Variants in HOMER2 observed in about 807,000 individuals in gnomAD.
HOMER2 encodes the protein homer protein homolog 2.
Under a neutral mutation model 47.0 loss-of-function variants are expected in HOMER2, and 27 were observed. The ratio of observed to expected loss-of-function variants is 0.57; its 90% CI spans 0.42 to 0.79. The LOEUF (loss-of-function observed/expected upper bound fraction) is 0.79, where lower values mean the gene tolerates loss of function less well. HOMER2 is among the 30% of genes least tolerant of loss of function. The probability of loss-of-function intolerance (pLI) is 0.00; values close to 1 mark genes in which losing one functional copy is unlikely to be tolerated. For synonymous variants in HOMER2, 161 were observed against 163.8 expected (o/e 0.98, Z 0.13); for missense variants, 443 against 435.0 (o/e 1.02, Z -0.16).
chr15:82,859,126 C>T lies in HOMER2; in HGVS notation c.397G>A (p.Val133Ile), dbSNP rs753153503. The change falls in exon 5 of 9, where the codon GTC becomes ATC. Residue 133 changes from valine to isoleucine, a missense_variant. Physicochemically the swap from Val to Ile is conservative, Grantham distance 29. Transcript: ENST00000450735. Reference sequence around the variant, plus strand: ...GCCTTTTCATCGTCCGTCCCGTTGACACTGGATGCCTGAGTAGAAGATGGG... The same window carrying T: ...GCCTTTTCATCGTCCGTCCCGTTGATACTGGATGCCTGAGTAGAAGATGGG... ...TSSNHSQASS[V>I]NGTDDEKASH... The T allele has an allele frequency of 6.2e-7, 1 of 1,614,002 alleles. No homozygotes were observed. Among genetic ancestry groups the T allele is most frequent in the Admixed American group, 1.7e-5 (1 of 60,026 alleles).
At chr15:82,934,660 C>A (rs1002157999) in intron 1 of HOMER2, among the ~76,000 whole-genome samples, 1 of 152,160 alleles carries the variant, frequency 6.6e-6, no homozygotes, top group Non-Finnish European at 1.5e-5. Context: ...TGGATCCTGC[C>A]CCCCTGCCTG....
chr15:82,879,115 T>C (rs1353329952), intron 2 of HOMER2, among the ~76,000 whole-genome samples: 2 of 152,230 alleles, frequency 1.3e-5, no homozygotes, highest in African/African-American at 4.8e-5. Flanking sequence ...TTCTAGAATG[T>C]CCATTTGGCT....
intron 1 of HOMER2, among the ~76,000 whole-genome samples, chr15:82,949,410 T>A (rs1799317453): frequency 1.3e-5 from 2 of 151,986 alleles, no homozygotes; most frequent in Admixed American, 1.3e-4. Context: ...CCAGAGGAGC[T>A]GAGAGGGGTG....
At chr15:82,946,105 C>CT in intron 1 of HOMER2, among the ~76,000 whole-genome samples, 1 of 152,254 alleles carries the variant, frequency 6.6e-6, no homozygotes, top group South Asian at 2.1e-4. Flanking sequence ...ACATTTAACT[C>CT]TAAGTTCCTC....
At chr15:82,914,085 C>T (rs2053516161) in intron 1 of HOMER2, among the ~76,000 whole-genome samples, 1 of 151,904 alleles carries the variant, frequency 6.6e-6, no homozygotes, top group South Asian at 2.1e-4. Context: ...TGCCTGTAAT[C>T]CCAGACTTTG....
chr15:82,834,928 A>G (rs2051107592), downstream of HOMER2: 1 of 152,110 alleles, frequency 6.6e-6, no homozygotes, highest in South Asian at 2.1e-4. Context: ...TCTCCTTAAA[A>G]TTAAATTTTT....
At chr15:82,895,813 C>T (rs527682336) in intron 1 of HOMER2, among the ~76,000 whole-genome samples, 12 of 152,190 alleles carry the variant, frequency 7.9e-5, no homozygotes, top group Non-Finnish European at 1.5e-4. Flanking sequence ...AGCTGGTACA[C>T]TTACTAAAAA....
chr15:82,960,150 T>C (rs1188503951), intron 1 of HOMER2, among the ~76,000 whole-genome samples: 1 of 152,124 alleles, frequency 6.6e-6, no homozygotes, highest in Non-Finnish European at 1.5e-5. Context: ...TGGAGTCATA[T>C]ATAGCTGAGG....
At position 82,952,707 on chromosome 15, in the gene HOMER2, C is replaced by T. The variant is rs1215992105; in HGVS notation, c.-172G>A. On this transcript the variant is annotated 5_prime_UTR_variant, in exon 1 of 9. It adds an upstream start codon to the 5' untranslated region. Transcript: ENST00000450735. ...GCTGCCACTGCTGCCACTGCCGCCA[C>T]CGCCGCCAGGCGCGGGCGGGCGGGG... 1 of 983,676 alleles carries T rather than the reference C, an allele frequency of 1.0e-6. No individual in the cohort carries two copies. Among genetic ancestry groups the T allele is most frequent in the Non-Finnish European group, 1.2e-6 (1 of 830,010 alleles). The allele number at this position is 983,676 out of a possible 1,614,324, so 60.9% of individuals were successfully genotyped here.
intron 1 of HOMER2, among the ~76,000 whole-genome samples, chr15:82,960,177 T>C (rs1038454718): frequency 6.6e-6 from 1 of 151,808 alleles, no homozygotes; most frequent in Non-Finnish European, 1.5e-5. Flanking sequence ...ACCGGAGACG[T>C]TGGGTAGAGG....
At chr15:82,963,953 C>T (rs1289873166) in intron 1 of HOMER2, among the ~76,000 whole-genome samples, 2 of 152,198 alleles carry the variant, frequency 1.3e-5, no homozygotes, top group African/African-American at 4.8e-5. Flanking sequence ...TGGCTGCTTC[C>T]CTACAACTGA....
Position 82,849,579 on chromosome 15 carries a change from C to T in HOMER2, c.*136G>A, listed in dbSNP as rs1315920554. 9 of 691,754 alleles carry T rather than the reference C, an allele frequency of 1.3e-5. No individual in the cohort carries two copies. Among genetic ancestry groups the T allele is most frequent in the South Asian group, 9.8e-5 (5 of 50,880 alleles). The allele number at this position is 691,754 out of a possible 1,614,324, so 42.9% of individuals were successfully genotyped here. A position where few individuals can be genotyped will look rare whatever the true frequency, so the allele number is the denominator to read the frequency against. ...TCTATTCTGAAAAGGAGTGAGTGGA[C>T]GGCACAACTGGTTTGGAAACACGAC... is the stretch of plus-strand genomic sequence containing the variant. On this transcript the variant is annotated 3_prime_UTR_variant, in exon 9 of 9. Transcript: ENST00000450735.
chr15:82,959,707 G>A (rs978943780), intron 1 of HOMER2, among the ~76,000 whole-genome samples: 7 of 152,154 alleles, frequency 4.6e-5, no homozygotes, highest in Admixed American at 3.3e-4. Context: ...TTATGATTCC[G>A]ATGCGCAGCC....
At chr15:82,948,013 G>T (rs2054419786) in intron 1 of HOMER2, among the ~76,000 whole-genome samples, 2 of 152,194 alleles carry the variant, frequency 1.3e-5, no homozygotes, top group African/African-American at 2.4e-5. Context: ...GGGAGGCTGA[G>T]GTGGGCAGAT....
At chr15:82,874,181 T>G (rs1290192244) in intron 3 of HOMER2, among the ~76,000 whole-genome samples, 1 of 152,166 alleles carries the variant, frequency 6.6e-6, no homozygotes, top group Non-Finnish European at 1.5e-5. Flanking sequence ...GGGTCAGCAC[T>G]TGTCCAGCCA....
intron 4 of HOMER2, among the ~76,000 whole-genome samples, chr15:82,859,589 G>C (rs982737756): frequency 1.4e-4 from 22 of 152,164 alleles, no homozygotes; most frequent in Admixed American, 2.0e-4. Context: ...ATTAGAAAAG[G>C]AGACAACTTA....
rs111835114 is a variant in HOMER2 at position 82,870,670 on chromosome 15, T to C, written c.294+4603A>G. 6.5e-4 allele frequency among the ~76,000 whole-genome samples: 99 copies of C among 152,346 alleles called. 1 individual carries two copies. The highest frequency in any genetic ancestry group is 2.3e-3 in the African/African-American group (94 of 41,582). On this transcript the variant is annotated intron_variant, in intron 3 of 8. Transcript: ENST00000450735. ...AAATAATTATTAATATCCTCCATTT[T>C]AAACATTAGCTGTTAAATCAGGACC...
At chr15:82,926,176 A>G (rs548473897) in intron 1 of HOMER2, 1 of 152,400 alleles carries the variant, frequency 6.6e-6, no homozygotes, top group South Asian at 2.1e-4. Flanking sequence ...GAGGCTGCGT[A>G]TAGCTTATAA....
intron 2 of HOMER2, among the ~76,000 whole-genome samples, chr15:82,880,730 G>C (rs1353768829): frequency 6.6e-6 from 1 of 152,144 alleles, no homozygotes; most frequent in Non-Finnish European, 1.5e-5. Context: ...GAGGAGATAC[G>C]AGACTTGAGT....
Sources: allele counts gnomAD v4.1 joint callset (sites outside exome capture counted in the v4.1 genomes callset), GRCh38; gene constraint gnomAD v4.1.1; transcripts MANE v1.5; gene names NCBI Gene and HGNC (gene_info 2026-07-23, HGNC 2026-07-21).